Variants in CEP164 observed in about 807,000 individuals in gnomAD.
The protein encoded by CEP164 is centrosomal protein 164.
Under a neutral mutation model 182.7 loss-of-function variants are expected in CEP164, and 162 were observed. The ratio of observed to expected loss-of-function variants is 0.89; its 90% CI spans 0.78 to 1.01. The LOEUF (loss-of-function observed/expected upper bound fraction) is 1.01, where lower values mean the gene tolerates loss of function less well. CEP164 is among the 50% of genes least tolerant of loss of function. CEP164 has a pLI of 0.00. For missense variants in CEP164, 1,735 were observed against 1,790.4 expected (o/e 0.97, Z 0.56); for synonymous variants, 661 against 690.0 (o/e 0.96, Z 0.66).
intron 3 of CEP164, among the ~76,000 whole-genome samples, chr11:117,340,905 C>T (rs2038015389): frequency 1.3e-5 from 2 of 152,200 alleles, no homozygotes; most frequent in Non-Finnish European, 2.9e-5. Context: ...GTGAGCTCGG[C>T]TCGCTGCAAC....
intron 1 of CEP164, among the ~76,000 whole-genome samples, chr11:117,328,526 A>G (rs1002807752): frequency 2.6e-5 from 4 of 152,184 alleles, no homozygotes; most frequent in Non-Finnish European, 5.9e-5. Context: ...AGTCCTTGGC[A>G]GTAGAAAGCT....
intron 1 of CEP164, among the ~76,000 whole-genome samples, chr11:117,334,116 C>T (rs1410424833): frequency 3.3e-5 from 5 of 152,172 alleles, no homozygotes; most frequent in Admixed American, 3.3e-4. Flanking sequence ...GTTTGTCTCC[C>T]TCCCTTCCCA....
upstream of CEP164, among the ~76,000 whole-genome samples, chr11:117,327,459 CTTTTTTTTTTTTT>C (rs760601571): frequency 8.2e-6 from 1 of 122,618 alleles, no homozygotes; most frequent in South Asian, 2.8e-4. Context: ...TCGGGGTCCT[CTTTTTTTTTTTTT>C]TTTTTTTTTA....
At chr11:117,362,279 A>T (rs904995416) in intron 6 of CEP164, 125 bp from the exon 7 acceptor site, 124 of 1,080,484 alleles carry the variant, frequency 1.1e-4, no homozygotes, top group Middle Eastern at 8.9e-4. Flanking sequence ...TCGCCAGGTC[A>T]GCTTCATGGA....
intron 2 of CEP164, chr11:117,336,117 C>T: frequency 1.3e-6 from 2 of 1,530,978 alleles, no homozygotes; most frequent in Non-Finnish European, 1.8e-6. Context: ...ACAAGGGCTA[C>T]TTTCCCCCAG....
At chr11:117,374,246 A>G (rs2042513996) in intron 10 of CEP164, among the ~76,000 whole-genome samples, 2 of 152,240 alleles carry the variant, frequency 1.3e-5, no homozygotes, top group South Asian at 4.1e-4. Context: ...GGCTCAGGCC[A>G]GGAGGGATGC....
At chr11:117,400,511 A>G (rs1005426438) in intron 27 of CEP164, among the ~76,000 whole-genome samples, 3 of 152,196 alleles carry the variant, frequency 2.0e-5, no homozygotes, top group Admixed American at 2.0e-4. Context: ...AGTTTTTTCT[A>G]ATTCTGTGAA....
intron 27 of CEP164, 91 bp downstream of exon 27, chr11:117,397,404 C>A: frequency 7.9e-7 from 1 of 1,262,864 alleles, no homozygotes; most frequent in Non-Finnish European, 1.1e-6. Flanking sequence ...CTCAGTTGGT[C>A]ATTCTCGGGA....
chr11:117,406,778 T>G (rs1260868627), intron 27 of CEP164, among the ~76,000 whole-genome samples: 1 of 152,110 alleles, frequency 6.6e-6, no homozygotes, highest in East Asian at 1.9e-4. Context: ...TGAGCTCTCT[T>G]GGATCACCTG....
chr11:117,349,136 C>T (rs1247816252), intron 4 of CEP164, among the ~76,000 whole-genome samples: 1 of 152,030 alleles, frequency 6.6e-6, no homozygotes. Context: ...GATTTTCCTG[C>T]CTGTACCTCC....
intron 8 of CEP164, among the ~76,000 whole-genome samples, chr11:117,366,119 G>A (rs1333709756): frequency 6.6e-6 from 1 of 152,012 alleles, no homozygotes; most frequent in Non-Finnish European, 1.5e-5. Flanking sequence ...CTTAAGGCAG[G>A]AATCAGGGCT....
At chr11:117,330,340 T>A (rs61903734) in intron 1 of CEP164, among the ~76,000 whole-genome samples, 9,534 of 152,272 alleles carry the variant, frequency 0.063, 407 homozygotes, top group African/African-American at 0.11. Context: ...TCGCACAATG[T>A]CTGGCCCATG....
chr11:117,342,303 C>T (rs1025510992), intron 3 of CEP164, among the ~76,000 whole-genome samples: 12 of 152,270 alleles, frequency 7.9e-5, no homozygotes, highest in Admixed American at 2.6e-4. Flanking sequence ...TCCTAGTTCC[C>T]GGGTATGTCA....
upstream of CEP164, among the ~76,000 whole-genome samples, chr11:117,324,306 G>A (rs2035352925): frequency 6.6e-6 from 1 of 151,970 alleles, no homozygotes. Context: ...ACATAGCCCG[G>A]TGTGGTGGCA....
rs1161934779 is a variant in CEP164 at position 117,409,756 on chromosome 11, C to T, written c.3887C>T (p.Ser1296Phe). The change falls in exon 30 of 33, where the codon TCC becomes TTC. Residue 1296 changes from serine (S) to phenylalanine (F), a missense_variant. Physicochemically the swap from Ser to Phe is radical, Grantham distance 155. Transcript: ENST00000278935. The surrounding 1 kb of genome is among the most constrained non-coding windows in gnomAD (Gnocchi z 4.4). Reference sequence around the variant, plus strand: ...CAGTCGCCGCCGCCGCTCCTCGCCTCCATGCCAGCCCAGCTCCCTCCCCGG... The same window carrying T: ...CAGTCGCCGCCGCCGCTCCTCGCCTTCATGCCAGCCCAGCTCCCTCCCCGG... ...NPQSPPPLLA[S>F]MPAQLPPRDP... 1.2e-6 allele frequency: 2 copies of T among 1,614,074 alleles called. No homozygotes were observed. Among genetic ancestry groups the T allele is most frequent in the African/African-American group, 2.7e-5 (2 of 75,062 alleles).
chr11:117,395,038 C>T, intron 22 of CEP164, 35 bp downstream of exon 22: 1 of 1,612,768 alleles, frequency 6.2e-7, no homozygotes, highest in South Asian at 1.1e-5. Flanking sequence ...ACCTCAGAGT[C>T]ATAGCTTCTC....
chr11:117,337,391 A>C (rs1305493896), intron 2 of CEP164, among the ~76,000 whole-genome samples: 1 of 151,626 alleles, frequency 6.6e-6, no homozygotes, highest in Non-Finnish European at 1.5e-5. Flanking sequence ...AACCAGTCAC[A>C]TTGTGGATTA....
In CEP164 at chr11:117,395,115, C is replaced by G. The variant is rs781117194; in HGVS notation, c.2845-8C>G. On this transcript the variant is annotated splice_region_variant and splice_polypyrimidine_tract_variant and intron_variant, in intron 22 of 32. Transcript: ENST00000278935. Reference sequence around the variant, plus strand: ...GTCAGCCAGAAAATCCTGTCTCTTCCCTGCAAGGAGGAGACCGCCCGGAGG... The same window carrying G: ...GTCAGCCAGAAAATCCTGTCTCTTCGCTGCAAGGAGGAGACCGCCCGGAGG... 6.2e-7 allele frequency: 1 copy of G among 1,614,170 alleles called. No individual in the cohort carries two copies. The highest frequency in any genetic ancestry group is 1.7e-5 in the Admixed American group (1 of 60,028).
At chr11:117,391,907 G>GC (rs912935719) in intron 17 of CEP164, among the ~76,000 whole-genome samples, 5 of 152,148 alleles carry the variant, frequency 3.3e-5, no homozygotes, top group African/African-American at 1.2e-4. Flanking sequence ...ATCCAACCTG[G>GC]CCCCCCTGGC....
Sources: gnomAD v4.1 joint callset for allele counts (sites outside exome capture counted in the v4.1 genomes callset) on GRCh38, gnomAD v4.1.1 for gene constraint, Gnocchi (gnomAD v3.1) non-coding constraint, MANE v1.5 for transcripts, NCBI Gene and HGNC (gene_info 2026-07-23, HGNC 2026-07-21) for gene names.